Variants in NSUN6 observed in about 807,000 individuals in gnomAD.
NSUN6 encodes NOP2/Sun RNA methyltransferase 6, also known as tRNA (cytosine(72)-C(5))-methyltransferase NSUN6.
A neutral mutation model predicts 58.0 loss-of-function variants in NSUN6; 64 were observed. The ratio of observed to expected loss-of-function variants is 1.10; its 90% CI spans 0.90 to 1.36. The LOEUF is 1.36. Among genes scored for constraint, NSUN6 ranks in the 40% most tolerant of loss-of-function variants. The pLI, the probability that NSUN6 is intolerant of heterozygous loss-of-function variation, is 0.00. For missense variants in NSUN6, 701 were observed against 550.1 expected, an observed-to-expected ratio of 1.27 and a Z score of -2.74; for synonymous variants, 231 against 193.9, an observed-to-expected ratio of 1.19 and a Z score of -1.59.
At chr10:18,652,027 A>G (rs2059719009), upstream of NSUN6, 1 of 985,296 alleles carries the variant, frequency 1.0e-6, no homozygotes, top group Non-Finnish European at 1.2e-6. Flanking sequence ...TCTCTCAGGC[A>G]TACAGATCTG....
chr10:18,648,160 T>G (rs1223653570), intron 2 of NSUN6, among the ~76,000 whole-genome samples: 2 of 152,212 alleles, frequency 1.3e-5, no homozygotes, highest in Admixed American at 1.3e-4. Context: ...TATATGCTAC[T>G]TATCACAAAG....
At chr10:18,575,848 C>G (rs745430208) in intron 8 of NSUN6, among the ~76,000 whole-genome samples, 7 of 152,176 alleles carry the variant, frequency 4.6e-5, no homozygotes, top group Non-Finnish European at 7.3e-5. Context: ...TATACTTGGT[C>G]TATTTTCTAC....
At chr10:18,608,512 T>C (rs1009658703) in intron 6 of NSUN6, among the ~76,000 whole-genome samples, 2 of 151,770 alleles carry the variant, frequency 1.3e-5, no homozygotes, top group African/African-American at 4.8e-5. Flanking sequence ...TGGCGCATGC[T>C]GTAGTCCCAG....
At chr10:18,652,567 CTCTT>C (rs1564856278), upstream of NSUN6, 13 of 956,120 alleles carry the variant, frequency 1.4e-5, no homozygotes, top group Admixed American at 6.3e-5. Context: ...ATTTTCTCTG[CTCTT>C]TTTTTTTTTT....
chr10:18,611,037 A>T (rs2058214508), intron 5 of NSUN6, among the ~76,000 whole-genome samples: 2 of 151,908 alleles, frequency 1.3e-5, no homozygotes, highest in Admixed American at 6.6e-5. Context: ...CATAAAATTT[A>T]AAAAATTACA....
intron 7 of NSUN6, among the ~76,000 whole-genome samples, chr10:18,588,278 G>A (rs923466506): frequency 1.1e-4 from 17 of 152,210 alleles, no homozygotes; most frequent in African/African-American, 4.1e-4. Flanking sequence ...GGGGCTTACA[G>A]ATAAAACTCT....
chr10:18,577,524 C>T (rs2056710583), intron 8 of NSUN6, among the ~76,000 whole-genome samples: 1 of 152,104 alleles, frequency 6.6e-6, no homozygotes, highest in Non-Finnish European at 1.5e-5. Context: ...TAAAATCTCC[C>T]TTAACTATCT....
intron 3 of NSUN6, among the ~76,000 whole-genome samples, chr10:18,627,864 C>T (rs558911194): frequency 0.013 from 1,919 of 152,362 alleles, 18 homozygotes; most frequent in Middle Eastern, 0.054. Context: ...CTTGCTTAGG[C>T]AAACAAAGCA....
chr10:18,638,146 G>A (rs763103655), intron 3 of NSUN6, among the ~76,000 whole-genome samples: 1 of 152,054 alleles, frequency 6.6e-6, no homozygotes, highest in Non-Finnish European at 1.5e-5. Context: ...AACATAATAA[G>A]AAATGGCAAA....
rs1377618783 is a variant in NSUN6 at position 18,558,939 on chromosome 10, GGAATGGAAGGGA to G, written c.923-6980_923-6969del. 1.1e-3 allele frequency among the ~76,000 whole-genome samples: 163 copies of G among 151,444 alleles called. 3 individuals carry two copies. The highest frequency in any genetic ancestry group is 3.6e-3 in the Admixed American group (54 of 15,116). On this transcript the variant is annotated intron_variant, in intron 8 of 10. Transcript: ENST00000377304. Reference sequence around the variant, plus strand: ...TGGAATTGAGAATGGACTGGACAATGGAATGGAAGGGAGAATGGAAGGGAGAATGGAAAAGAA... The same window carrying G: ...TGGAATTGAGAATGGACTGGACAATGGAATGGAAGGGAGAATGGAAAAGAA...
chr10:18,636,113 C>T (rs1378275859), intron 3 of NSUN6, among the ~76,000 whole-genome samples: 1 of 151,898 alleles, frequency 6.6e-6, no homozygotes, highest in East Asian at 1.9e-4. Flanking sequence ...ACTCAGCTAA[C>T]TTGTTGTATA....
At position 18,545,868 on chromosome 10, in the gene NSUN6, T is replaced by TAAAATA; in HGVS notation, c.*64_*65insTATTTT. 1.4e-6 allele frequency: 1 copy of TAAAATA among 732,152 alleles called. No individual in the cohort carries two copies. The highest frequency in any genetic ancestry group is 2.2e-6 in the Non-Finnish European group (1 of 450,174). 45.4% of individuals were successfully genotyped at this position (732,152 alleles called of 1,614,324 possible). ...TCAGTTGGCCTGACAACACTTTGGTTAAAAAAAAAAAAACCACAGACAGCA... is the reference window on the plus strand; with the variant it reads ...TCAGTTGGCCTGACAACACTTTGGTTAAAATAAAAAAAAAAAAAACCACAGACAGCA... On this transcript the variant is annotated 3_prime_UTR_variant, in exon 11 of 11. Coordinates refer to ENST00000377304, the MANE Select transcript of NSUN6 (RefSeq NM_182543.5).
chr10:18,580,131 C>T (rs923996199), intron 8 of NSUN6, among the ~76,000 whole-genome samples: 5 of 152,130 alleles, frequency 3.3e-5, no homozygotes, highest in East Asian at 1.9e-4. Flanking sequence ...GTTTTGCAGA[C>T]GCTCTCGCCA....
upstream of NSUN6, chr10:18,658,642 C>T: frequency 1.0e-6 from 1 of 980,470 alleles, no homozygotes; most frequent in Middle Eastern, 5.3e-4. Context: ...TTATTAATCA[C>T]ATAACTGAAC....
chr10:18,551,070 A>G (rs1406440420), intron 9 of NSUN6, among the ~76,000 whole-genome samples: 1 of 152,092 alleles, frequency 6.6e-6, no homozygotes, highest in Non-Finnish European at 1.5e-5. Flanking sequence ...TTTTATATCT[A>G]ATTCTTTACA....
At chr10:18,552,076 T>A (rs533786664) in intron 8 of NSUN6, 105 bp from the exon 9 acceptor site, 1 of 697,812 alleles carries the variant, frequency 1.4e-6, no homozygotes, top group Non-Finnish European at 2.3e-6. Context: ...AATAAAAAAA[T>A]GAAACAATTT....
At chr10:18,547,556 T>C (rs560264925) in intron 10 of NSUN6, among the ~76,000 whole-genome samples, 230 of 152,282 alleles carry the variant, frequency 1.5e-3, no homozygotes, top group Middle Eastern at 6.8e-3. Context: ...GGACTAAAAA[T>C]TGAATCAAAA....
At chr10:18,612,248 A>AT (rs1349937174) in intron 5 of NSUN6, among the ~76,000 whole-genome samples, 1 of 151,626 alleles carries the variant, frequency 6.6e-6, no homozygotes, top group Admixed American at 6.6e-5. Flanking sequence ...CAAGACCCCC[A>AT]TTTCTATGAA....
At chr10:18,608,962 T>C (rs1354982997) in intron 6 of NSUN6, among the ~76,000 whole-genome samples, 2 of 152,222 alleles carry the variant, frequency 1.3e-5, no homozygotes, top group Non-Finnish European at 2.9e-5. Flanking sequence ...TCCGTTGTTC[T>C]GTTTGTTCAC....
Sources: allele counts gnomAD v4.1 joint callset (sites outside exome capture counted in the v4.1 genomes callset), GRCh38; gene constraint gnomAD v4.1.1; transcripts MANE v1.5; gene names NCBI Gene and HGNC (gene_info 2026-07-23, HGNC 2026-07-21).